The following KCNH5 variants were observed in gnomAD, a reference collection of about 807,000 sequenced individuals.
KCNH5 encodes voltage-gated delayed rectifier potassium channel KCNH5.
KCNH5 carries 46 observed loss-of-function variants against 96.1 expected under a neutral mutation model. The ratio of observed to expected loss-of-function variants is 0.48; its 90% CI spans 0.38 to 0.61. The LOEUF (loss-of-function observed/expected upper bound fraction) is 0.61, where lower values mean the gene tolerates loss of function less well. Among genes scored for constraint, KCNH5 ranks in the 20% least tolerant of loss-of-function variants. The probability of loss-of-function intolerance (pLI) is 0.00; values close to 1 mark genes in which losing one functional copy is unlikely to be tolerated. For synonymous variants in KCNH5, 439 were observed against 449.8 expected, an observed-to-expected ratio of 0.98 and a Z score of 0.30; for missense variants, 907 against 1,225.8, an observed-to-expected ratio of 0.74 and a Z score of 3.88.
chr14:62,825,869 T>A (rs1887213700), intron 8 of KCNH5, among the ~76,000 whole-genome samples: 1 of 152,108 alleles, frequency 6.6e-6, no homozygotes, highest in African/African-American at 2.4e-5. Context: ...CCCTTTTTTC[T>A]ACTATAATGA....
At chr14:62,718,197 T>G (rs536301424) in intron 10 of KCNH5, among the ~76,000 whole-genome samples, 1 of 152,168 alleles carries the variant, frequency 6.6e-6, no homozygotes, top group African/African-American at 2.4e-5. Context: ...GGTACTCTGT[T>G]CACTATTTGG....
chr14:62,950,512 T>C lies in KCNH5; in HGVS notation c.990A>G (p.Arg330=). The C allele has an allele frequency of 6.2e-7, 1 of 1,605,732 alleles. No individual in the cohort carries two copies. The highest frequency in any genetic ancestry group is 2.2e-5 in the East Asian group (1 of 44,784). Residue 330 remains arginine, a synonymous_variant, in exon 7 of 11, where the codon CGA becomes CGG. Transcript: ENST00000322893. ...CCAGTTTCCTAGCCACACGGCCCAG[T>C]CGTAAGAGACGCACCACTTTTAAAG... ...FSSLKVVRLL[R]LGRVARKLDH...
intron 8 of KCNH5, among the ~76,000 whole-genome samples, chr14:62,827,002 A>T (rs1178336865): frequency 6.6e-6 from 1 of 152,180 alleles, no homozygotes; most frequent in African/African-American, 2.4e-5. Flanking sequence ...AAATAATCTT[A>T]TAAATGAAGA....
intron 6 of KCNH5, among the ~76,000 whole-genome samples, chr14:62,954,306 T>C (rs1187224773): frequency 1.3e-5 from 2 of 152,170 alleles, no homozygotes; most frequent in Non-Finnish European, 2.9e-5. Flanking sequence ...TCGATATCCT[T>C]CCTTTATGTT....
chr14:62,775,709 C>T (rs538700411), intron 10 of KCNH5, among the ~76,000 whole-genome samples: 4 of 152,236 alleles, frequency 2.6e-5, no homozygotes, highest in Non-Finnish European at 5.9e-5. Context: ...AAAGGTGGGG[C>T]GATTCTATTC....
At chr14:62,857,111 C>G (rs760755630) in intron 7 of KCNH5, among the ~76,000 whole-genome samples, 2 of 152,044 alleles carry the variant, frequency 1.3e-5, no homozygotes, top group Non-Finnish European at 2.9e-5. Context: ...CTGACTTTGT[C>G]AAAATAGCCC....
chr14:62,711,940 T>G (rs1302349024), intron 10 of KCNH5, among the ~76,000 whole-genome samples: 1 of 152,242 alleles, frequency 6.6e-6, no homozygotes, highest in Admixed American at 6.5e-5. Flanking sequence ...AAGCCAACAC[T>G]CTGAGGAGTG....
chr14:62,857,213 A>G (rs934025867), intron 7 of KCNH5, among the ~76,000 whole-genome samples: 3 of 152,208 alleles, frequency 2.0e-5, no homozygotes, highest in Non-Finnish European at 4.4e-5. Flanking sequence ...ACCTGCATTA[A>G]TCAATTACTA....
In KCNH5 at chr14:62,849,697, T is replaced by A. The variant is rs1284277696; in HGVS notation, c.1525A>T (p.Ile509Phe). 1 of 1,613,752 alleles carries A rather than the reference T, an allele frequency of 6.2e-7. No individual in the cohort carries two copies. Among genetic ancestry groups the A allele is most frequent in the Non-Finnish European group, 8.5e-7 (1 of 1,179,852 alleles). The part of the protein sequence containing the change: ...KGLSERVMDY[I>F]VSTWSMSKGI... ...TTTGACATGGACCATGTTGAGACAA[T>A]ATAATCCATGACTCGCTCACTAAGG... Residue 509 changes from isoleucine to phenylalanine, a missense_variant, in exon 8 of 11, where the codon ATT (isoleucine) becomes TTT (phenylalanine). This residue lies in a region of KCNH5 where 95 missense variants were observed against 111.8 expected (regional missense o/e 0.85). Transcript: ENST00000322893.
intron 7 of KCNH5, among the ~76,000 whole-genome samples, chr14:62,924,396 T>C (rs898322414): frequency 3.3e-5 from 5 of 152,024 alleles, no homozygotes; most frequent in African/African-American, 1.2e-4. Flanking sequence ...ACAGCCATTA[T>C]GGAAAACCGT....
chr14:62,963,659 G>T (rs945023954), intron 6 of KCNH5, among the ~76,000 whole-genome samples: 1 of 152,076 alleles, frequency 6.6e-6, no homozygotes, highest in Admixed American at 6.6e-5. Context: ...ATTGGATAAT[G>T]CCCATCCACA....
intron 1 of KCNH5, among the ~76,000 whole-genome samples, chr14:63,032,883 C>T (rs1349324601): frequency 2.6e-5 from 4 of 152,150 alleles, no homozygotes; most frequent in South Asian, 2.1e-4. Flanking sequence ...TCATTCCAAG[C>T]GTGGCCTTCT....
chr14:62,739,434 T>A (rs1885225567), intron 10 of KCNH5, among the ~76,000 whole-genome samples: 2 of 151,208 alleles, frequency 1.3e-5, no homozygotes, highest in Non-Finnish European at 2.9e-5. Context: ...CTACGCTATT[T>A]ATGCGAGAAA....
intron 8 of KCNH5, among the ~76,000 whole-genome samples, chr14:62,834,982 A>G (rs1164404287): frequency 6.6e-6 from 1 of 151,962 alleles, no homozygotes; most frequent in Admixed American, 6.6e-5. Context: ...CCCTCATCTT[A>G]ACGAATATAC....
intron 5 of KCNH5, 72 bp from the exon 6 acceptor site, chr14:62,981,336 T>C (rs1594657855): frequency 1.4e-6 from 2 of 1,452,588 alleles, no homozygotes; most frequent in Non-Finnish European, 1.9e-6. Flanking sequence ...TCAAATCTAC[T>C]GGCAGTCAAA....
intron 4 of KCNH5, among the ~76,000 whole-genome samples, chr14:62,990,619 A>G (rs778179052): frequency 2.0e-5 from 3 of 152,094 alleles, no homozygotes; most frequent in Non-Finnish European, 2.9e-5. Flanking sequence ...TTAAATCAGC[A>G]TATTCTGAGT....
intron 7 of KCNH5, among the ~76,000 whole-genome samples, chr14:62,862,723 C>T (rs1405686369): frequency 6.6e-6 from 1 of 152,144 alleles, no homozygotes; most frequent in East Asian, 1.9e-4. Context: ...TGAGGGACAA[C>T]AAGAGAGCAA....
At position 62,708,228 on chromosome 14, in the gene KCNH5, T is replaced by C; in HGVS notation, c.2247A>G (p.Gly749=). 1 of 1,614,214 alleles carries C rather than the reference T, an allele frequency of 6.2e-7. No individual in the cohort carries two copies. The highest frequency in any genetic ancestry group is 1.1e-5 in the South Asian group (1 of 91,086). Residue 749 remains glycine, a synonymous_variant, in exon 11 of 11, where the codon GGA becomes GGG. Coordinates refer to ENST00000322893, the MANE Select transcript of KCNH5 (RefSeq NM_139318.5). The part of the protein sequence containing the change: ...RSLQNGASIT[G]TSVVTVSQIT... ...TCTGTGACACAGTCACCACGCTGGTTCCGGTGATGGAGGCTCCATTCTGTA... is the reference window on the plus strand; with the variant it reads ...TCTGTGACACAGTCACCACGCTGGTCCCGGTGATGGAGGCTCCATTCTGTA...
intron 8 of KCNH5, among the ~76,000 whole-genome samples, chr14:62,840,566 C>CTTTTTTTTTTTTTTT (rs71120238): frequency 9.3e-4 from 71 of 76,368 alleles, no homozygotes; most frequent in African/African-American, 1.4e-3. Context: ...TCTTTTTTTT[C>CTTTTTTTTTTTTTTT]TTTTTTTTTT....
Sources: gnomAD v4.1 joint callset for allele counts (sites outside exome capture counted in the v4.1 genomes callset) on GRCh38, gnomAD v4.1.1 for gene constraint, gnomAD v4.1.1 regional missense constraint, MANE v1.5 for transcripts, NCBI Gene and HGNC (gene_info 2026-07-23, HGNC 2026-07-21) for gene names.